Variants in SLC6A16 observed in about 807,000 individuals in gnomAD.
SLC6A16 encodes the protein orphan sodium- and chloride-dependent neurotransmitter transporter NTT5.
SLC6A16 carries 54 observed loss-of-function variants against 65.4 expected under a neutral mutation model. That is an observed-to-expected ratio of 0.83 (90% CI 0.66 to 1.04). The LOEUF (loss-of-function observed/expected upper bound fraction) is 1.04. Among genes scored for constraint, SLC6A16 ranks in the 50% least tolerant of loss-of-function variants. The pLI is 0.00. For missense variants in SLC6A16, 816 were observed against 914.0 expected (o/e 0.89, Z 1.38); for synonymous variants, 330 against 346.5 (o/e 0.95, Z 0.53).
At chr19:49,320,642 A>C (rs1241032875) in intron 1 of SLC6A16, among the ~76,000 whole-genome samples, 1 of 152,202 alleles carries the variant, frequency 6.6e-6, no homozygotes, top group Non-Finnish European at 1.5e-5. Context: ...AAAAAAGAGA[A>C]GACTCAAATG....
chr19:49,336,625 G>A, the SLC6A16 span: 5 of 365,464 alleles, frequency 1.4e-5, no homozygotes, highest in Admixed American at 4.3e-5. Flanking sequence ...CCAAGCCAAT[G>A]TCACAGAACA....
intron 1 of SLC6A16, among the ~76,000 whole-genome samples, chr19:49,317,189 A>C (rs1970626857): frequency 6.6e-6 from 1 of 151,734 alleles, no homozygotes; most frequent in African/African-American, 2.4e-5. Context: ...AAAAATACAA[A>C]AATTAGCCAG....
At chr19:49,331,096 C>T in the SLC6A16 span, among the ~76,000 whole-genome samples, 2 of 152,084 alleles carry the variant, frequency 1.3e-5, no homozygotes, top group Admixed American at 6.6e-5. Context: ...GCCAAAAGTC[C>T]GAAATTAAGG....
At chr19:49,333,196 G>T in the SLC6A16 span, among the ~76,000 whole-genome samples, 13 of 151,744 alleles carry the variant, frequency 8.6e-5, no homozygotes, top group East Asian at 5.8e-4. Context: ...CAAAAACCTG[G>T]GTGTGGTGGC....
At chr19:49,290,812 C>T (rs1056282150) in intron 10 of SLC6A16, 45 bp from the exon 11 acceptor site, 1 of 1,540,240 alleles carries the variant, frequency 6.5e-7, no homozygotes, top group Non-Finnish European at 8.8e-7. Flanking sequence ...TTAGGCCTCA[C>T]CACCTTGGAG....
intron 1 of SLC6A16, 51 bp from the exon 2 acceptor site, chr19:49,311,462 C>T (rs1206401992): frequency 1.7e-6 from 2 of 1,184,976 alleles, no homozygotes; most frequent in Admixed American, 5.7e-5. Flanking sequence ...CAAGTAACTA[C>T]TGAGTTACAA....
chr19:49,290,444 G>T lies in SLC6A16; in HGVS notation c.1942-52C>A, dbSNP rs766346985. The T allele has an allele frequency of 3.8e-6, 6 of 1,587,892 alleles. 1 individual carries two copies. The South Asian group carries it at 5.7e-5, about 15-fold the overall frequency. On this transcript the variant is annotated intron_variant, in intron 11 of 11. Coordinates refer to ENST00000335875, the MANE Select transcript of SLC6A16 (RefSeq NM_014037.3). Reference sequence around the variant, plus strand: ...GAATATCAAAATCCCCAAGAGAAAAGGAAGAGTTGTGGAGGGGAAGGATGG... The same window carrying T: ...GAATATCAAAATCCCCAAGAGAAAATGAAGAGTTGTGGAGGGGAAGGATGG...
At chr19:49,338,016 ATG>A in the SLC6A16 span, 12 of 1,613,824 alleles carry the variant, frequency 7.4e-6, no homozygotes, top group African/African-American at 1.3e-5. The surrounding 1 kb of genome is among the most constrained non-coding windows in gnomAD (Gnocchi z 5.0). Context: ...AGCTGGGACT[ATG>A]TGCAGTTCCA....
In SLC6A16 at chr19:49,315,040, A is replaced by AC. The variant is rs555066922; in HGVS notation, c.-64-3630_-64-3629insG. 1.4e-3 allele frequency among the ~76,000 whole-genome samples: 203 copies of AC among 141,900 alleles called. 1 individual carries two copies. Among genetic ancestry groups the AC allele is most frequent in the African/African-American group, 5.3e-3 (188 of 35,418 alleles). The allele number at this position is 141,900 out of a possible 152,430, so 93.1% of individuals were successfully genotyped here. On this transcript the variant is annotated intron_variant, in intron 1 of 11. Transcript: ENST00000335875. ...ACCCACAATCTCCCCCTACCCAACA[A>AC]AAAAAAAAACCAATGATTTTAAAAT...
In SLC6A16 at chr19:49,311,131, C is replaced by T; in HGVS notation, c.217G>A (p.Glu73Lys). 6.2e-7 allele frequency: 1 copy of T among 1,614,176 alleles called. No homozygotes were observed. The highest frequency in any genetic ancestry group is 8.5e-7 in the Non-Finnish European group (1 of 1,180,030). The change falls in exon 2 of 12, where the codon GAG (glutamate) becomes AAG (lysine). Residue 73 changes from glutamate to lysine, a missense_variant. Coordinates refer to ENST00000335875, the MANE Select transcript of SLC6A16 (RefSeq NM_014037.3). ...TSQPKQISVL[E>K]ALTASALNQK... ...TTCAGGGCTGAGGCAGTTAACGCCTCCAATACAGAAATTTGCTTGGGCTGA... is the reference window on the plus strand; with the variant it reads ...TTCAGGGCTGAGGCAGTTAACGCCTTCAATACAGAAATTTGCTTGGGCTGA...
intron 7 of SLC6A16, chr19:49,306,274 G>A (rs907189260): frequency 1.3e-5 from 2 of 151,826 alleles, no homozygotes; most frequent in African/African-American, 4.9e-5. Flanking sequence ...CTCCAGCCTG[G>A]GCAACAGAGC....
rs370382712 is a variant in SLC6A16 at position 49,294,434 on chromosome 19, G to C, written c.1349C>G (p.Pro450Arg). The change falls in exon 8 of 12, where the codon CCC (proline) becomes CGC (arginine). Residue 450 changes from proline (P) to arginine (R), a missense_variant. Transcript: ENST00000335875. Reference sequence around the variant, plus strand: ...GAGAACCATGCTTTTGATGTGCTGGGGAAGGCCACTGAGCCAGGCATTGTA... The same window carrying C: ...GAGAACCATGCTTTTGATGTGCTGGCGAAGGCCACTGAGCCAGGCATTGTA... ...SIYNAWLSGLPQHIKSMVLRE... is the reference protein window; with the variant it reads ...SIYNAWLSGLRQHIKSMVLRE... The C allele has an allele frequency of 6.2e-7, 1 of 1,614,136 alleles. No individual in the cohort carries two copies. The highest frequency in any genetic ancestry group is 1.1e-5 in the South Asian group (1 of 91,074).
chr19:49,310,104 G>C lies in SLC6A16; in HGVS notation c.636C>G (p.Ser212Arg). Residue 212 changes from serine to arginine, a missense_variant, in exon 4 of 12, where the codon AGC becomes AGG. Coordinates refer to ENST00000335875, the MANE Select transcript of SLC6A16 (RefSeq NM_014037.3). ...VVNSWIIFYM[S>R]QSFQFPVPWE... Reference sequence around the variant, plus strand: ...ATGGAACGGGAAACTGGAAGGACTGGCTCATGTAGAAGATGATCCAGGAAT... The same window carrying C: ...ATGGAACGGGAAACTGGAAGGACTGCCTCATGTAGAAGATGATCCAGGAAT... The C allele has an allele frequency of 1.2e-6, 2 of 1,614,066 alleles. No homozygotes were observed. Among genetic ancestry groups the C allele is most frequent in the Non-Finnish European group, 1.7e-6 (2 of 1,180,014 alleles).
At chr19:49,329,560 A>G (rs1222141480), upstream of SLC6A16, among the ~76,000 whole-genome samples, 1 of 144,188 alleles carries the variant, frequency 6.9e-6, no homozygotes, top group East Asian at 2.2e-4. Context: ...AGGTGGGAGG[A>G]TTGCTTGAGG....
At chr19:49,317,616 C>T (rs1970635294) in intron 1 of SLC6A16, among the ~76,000 whole-genome samples, 1 of 151,884 alleles carries the variant, frequency 6.6e-6, no homozygotes, top group Non-Finnish European at 1.5e-5. Context: ...ACCATCCTGG[C>T]TAACATGGTG....
At chr19:49,303,080 T>C (rs2146102730) in intron 7 of SLC6A16, among the ~76,000 whole-genome samples, 1 of 152,300 alleles carries the variant, frequency 6.6e-6, no homozygotes, top group South Asian at 2.1e-4. Flanking sequence ...AATACTTCCC[T>C]AATCTGGAGA....
intron 7 of SLC6A16, among the ~76,000 whole-genome samples, chr19:49,299,257 AAAAG>A (rs1312549973): frequency 4.6e-5 from 7 of 151,670 alleles, no homozygotes; most frequent in African/African-American, 1.5e-4. Context: ...AAAAAAAAAA[AAAAG>A]AAAGCTGAAA....
intron 7 of SLC6A16, 137 bp from the exon 8 acceptor site, chr19:49,294,690 TC>T (rs1970152320): frequency 1.3e-6 from 1 of 785,502 alleles, no homozygotes; most frequent in East Asian, 2.7e-5. Context: ...CTGGGATGAA[TC>T]CTAGAAGGCA....
chr19:49,327,428 A>C (rs1341160666), upstream of SLC6A16, among the ~76,000 whole-genome samples: 2 of 152,206 alleles, frequency 1.3e-5, no homozygotes, highest in African/African-American at 4.8e-5. Flanking sequence ...TAAGGAAATA[A>C]CACTGGAGTT....
Sources: gnomAD v4.1 joint callset for allele counts (sites outside exome capture counted in the v4.1 genomes callset) on GRCh38, gnomAD v4.1.1 for gene constraint, Gnocchi (gnomAD v3.1) non-coding constraint, MANE v1.5 for transcripts, NCBI Gene and HGNC (gene_info 2026-07-23, HGNC 2026-07-21) for gene names.